MRPL42: variants seen among roughly 807,000 people sequenced by gnomAD.
MRPL42 encodes large ribosomal subunit protein mL42.
A neutral mutation model predicts 17.9 loss-of-function variants in MRPL42; 17 were observed. The observed-to-expected ratio is 0.95, with a 90% CI of 0.65 to 1.42. MRPL42 has a LOEUF of 1.42. MRPL42 is among the 40% of genes most tolerant of loss of function. The pLI is 0.00. For synonymous variants in MRPL42, 59 were observed against 54.4 expected, an observed-to-expected ratio of 1.08 and a Z score of -0.37; for missense variants, 177 against 175.2, an observed-to-expected ratio of 1.01 and a Z score of -0.06.
chr12:93,502,801 T>TTCCGAGTACAAAGCTCTGCTAAA lies in MRPL42; in HGVS notation c.*1582_*1604dup, dbSNP rs1268874773. ...ATATGATTATGAAGATTTTCTTCTCTTCCGAGTACAAAGCTCTGCTAAATA... is the reference window on the plus strand; with the variant it reads ...ATATGATTATGAAGATTTTCTTCTCTTCCGAGTACAAAGCTCTGCTAAATCCGAGTACAAAGCTCTGCTAAATA... On this transcript the variant is annotated 3_prime_UTR_variant, in exon 6 of 6. Coordinates refer to ENST00000549982, the MANE Select transcript of MRPL42 (RefSeq NM_014050.4). The TTCCGAGTACAAAGCTCTGCTAAA allele has an allele frequency of 6.6e-6, 1 of 152,236 alleles. No individual in the cohort carries two copies. The highest frequency in any genetic ancestry group is 1.5e-5 in the Non-Finnish European group (1 of 68,048). The allele number at this position is 152,236 out of a possible 1,614,324, so 9.4% of individuals were successfully genotyped here.
At chr12:93,488,725 A>G (rs760705226) in intron 5 of MRPL42, among the ~76,000 whole-genome samples, 13 of 152,114 alleles carry the variant, frequency 8.5e-5, no homozygotes, top group African/African-American at 1.7e-4. Context: ...CACATTTTCC[A>G]TCGATTCTTA....
At position 93,471,964 on chromosome 12, in the gene MRPL42, T is replaced by C. The variant is rs563842343; in HGVS notation, c.70+2609T>C. On this transcript the variant is annotated intron_variant, in intron 2 of 5. Coordinates refer to ENST00000549982, the MANE Select transcript of MRPL42 (RefSeq NM_014050.4). The stretch of plus-strand genomic sequence containing the variant: ...ATAGACTATGTTTTGAAACAATTAG[T>C]CCTCACACAGGCCCATCAGAAAACC... Among the ~76,000 whole-genome samples, 120 of 152,326 alleles carry C rather than the reference T, an allele frequency of 7.9e-4. 1 individual carries two copies. The highest frequency in any genetic ancestry group is 2.4e-3 in the African/African-American group (101 of 41,572).
At chr12:93,488,883 G>T (rs1170903971) in intron 5 of MRPL42, among the ~76,000 whole-genome samples, 5 of 150,246 alleles carry the variant, frequency 3.3e-5, no homozygotes, top group African/African-American at 1.2e-4. Context: ...TGAGAAGGAG[G>T]TCTCATTATG....
intron 2 of MRPL42, 85 bp downstream of exon 2, chr12:93,469,440 C>T: frequency 3.2e-6 from 3 of 938,580 alleles, no homozygotes; most frequent in Non-Finnish European, 4.7e-6. Flanking sequence ...TTGTATATGC[C>T]TGTAATTTGC....
At chr12:93,488,609 AT>A (rs1953356222) in intron 5 of MRPL42, 1 of 258,378 alleles carries the variant, frequency 3.9e-6, no homozygotes, top group African/African-American at 2.2e-5. Context: ...TCTTTATCAT[AT>A]TTTGAGTTAT....
intron 5 of MRPL42, among the ~76,000 whole-genome samples, chr12:93,497,236 C>T (rs574730129): frequency 1.3e-5 from 2 of 152,232 alleles, no homozygotes; most frequent in South Asian, 2.1e-4. Context: ...TCTACAAAAA[C>T]GGCATCATCC....
chr12:93,485,473 G>A (rs1005935772), intron 4 of MRPL42, among the ~76,000 whole-genome samples: 5 of 151,984 alleles, frequency 3.3e-5, no homozygotes, highest in African/African-American at 1.2e-4. Flanking sequence ...CTTGTTTCAT[G>A]TGCATAAACT....
chr12:93,486,943 C>A (rs898590789), intron 4 of MRPL42, among the ~76,000 whole-genome samples: 1 of 151,956 alleles, frequency 6.6e-6, no homozygotes, highest in Admixed American at 6.6e-5. Flanking sequence ...GAATTACAGG[C>A]ATGAGCCACC....
chr12:93,497,363 A>T (rs1000161991), intron 5 of MRPL42, among the ~76,000 whole-genome samples: 6 of 152,222 alleles, frequency 3.9e-5, no homozygotes, highest in Admixed American at 3.9e-4. Context: ...CTAGCAGCAC[A>T]TCAAAAAATT....
At chr12:93,500,206 G>C (rs1202796706) in intron 5 of MRPL42, among the ~76,000 whole-genome samples, 1 of 152,190 alleles carries the variant, frequency 6.6e-6, no homozygotes, top group Admixed American at 6.5e-5. Context: ...ATTTTCTCCT[G>C]TGTTCTTCCT....
At chr12:93,484,002 C>T (rs766223296) in intron 4 of MRPL42, among the ~76,000 whole-genome samples, 1 of 152,072 alleles carries the variant, frequency 6.6e-6, no homozygotes, top group Non-Finnish European at 1.5e-5. Flanking sequence ...ATCAATATTA[C>T]TGTCTTCTAC....
chr12:93,506,942 A>C lies in MRPL42; in HGVS notation c.*5721A>C, dbSNP rs1202530505. 1 of 152,238 alleles carries C rather than the reference A, an allele frequency of 6.6e-6. No homozygotes were observed. Among genetic ancestry groups the C allele is most frequent in the Non-Finnish European group, 1.5e-5 (1 of 68,042 alleles). The allele number at this position is 152,238 out of a possible 1,614,324, so 9.4% of individuals were successfully genotyped here. Reference sequence around the variant, plus strand: ...ATCGTAAAGCTGAAAGACATCTTAAAGATGATTTTTGGGGACTGATTTGGA... The same window carrying C: ...ATCGTAAAGCTGAAAGACATCTTAACGATGATTTTTGGGGACTGATTTGGA... On this transcript the variant is annotated 3_prime_UTR_variant, in exon 6 of 6. Coordinates refer to ENST00000549982, the MANE Select transcript of MRPL42 (RefSeq NM_014050.4).
At chr12:93,496,429 TAACATTAATA>T (rs1953505899) in intron 5 of MRPL42, among the ~76,000 whole-genome samples, 1 of 151,950 alleles carries the variant, frequency 6.6e-6, no homozygotes, top group Non-Finnish European at 1.5e-5. Flanking sequence ...AATGTAAATA[TAACATTAATA>T]GATACCTAAT....
chr12:93,488,192 G>A lies in MRPL42; in HGVS notation c.383+532G>A, dbSNP rs959725862. ...TTACCGTGTTAGCCAGGATGGTCTC[G>A]AACTCCTGACCTTGTGATCCACCCA... On this transcript the variant is annotated intron_variant, in intron 5 of 5. Transcript: ENST00000549982. 17 of 376,332 alleles carry A rather than the reference G, an allele frequency of 4.5e-5. No individual in the cohort carries two copies. In the Admixed American group the frequency reaches 6.8e-4, roughly 15 times the overall value. The allele number at this position is 376,332 out of a possible 1,614,324, so 23.3% of individuals were successfully genotyped here.
At chr12:93,467,651 T>C (rs980640097) in intron 1 of MRPL42, 97 bp downstream of exon 1, 1 of 152,746 alleles carries the variant, frequency 6.5e-6, no homozygotes, top group Non-Finnish European at 1.5e-5. Context: ...CCGCCTGTCG[T>C]TCCCGGCAGG....
chr12:93,504,306 TA>T lies in MRPL42; in HGVS notation c.*3087del, dbSNP rs1953641377. 6.5e-6 allele frequency: 1 copy of T among 152,942 alleles called. No homozygotes were observed. Among genetic ancestry groups the T allele is most frequent in the Admixed American group, 6.6e-5 (1 of 15,256 alleles). 9.5% of individuals were successfully genotyped at this position (152,942 alleles called of 1,614,324 possible). A position where few individuals can be genotyped will look rare whatever the true frequency, so the allele number is the denominator to read the frequency against. ...ACAAGTGTGCACCACCATACTCAGG[TA>T]ATTTTGCATTTTTAGTAGAGACAGG... On this transcript the variant is annotated 3_prime_UTR_variant, in exon 6 of 6. Coordinates refer to ENST00000549982, the MANE Select transcript of MRPL42 (RefSeq NM_014050.4).
rs562628793 is a variant in MRPL42 at position 93,479,639 on chromosome 12, C to T, written c.219+167C>T. Among the ~76,000 whole-genome samples the T allele has an allele frequency of 3.0e-3, 462 of 151,926 alleles. 5 individuals are homozygous for T. Among genetic ancestry groups the T allele is most frequent in the African/African-American group, 0.011 (450 of 41,452 alleles). On this transcript the variant is annotated intron_variant, in intron 4 of 5. Coordinates refer to ENST00000549982, the MANE Select transcript of MRPL42 (RefSeq NM_014050.4). Reference sequence around the variant, plus strand: ...TTTTCTCTTATTTATTTTTCATCTGCTTTCTTTACAGTCTTTTTTCAGAAT... The same window carrying T: ...TTTTCTCTTATTTATTTTTCATCTGTTTTCTTTACAGTCTTTTTTCAGAAT...
At position 93,510,807 on chromosome 12, in the gene MRPL42, T is replaced by G. The variant is rs1953719006; in HGVS notation, c.*9586T>G. 1 of 152,258 alleles carries G rather than the reference T, an allele frequency of 6.6e-6. No homozygotes were observed. Among genetic ancestry groups the G allele is most frequent in the African/African-American group, 2.4e-5 (1 of 41,476 alleles). 9.4% of individuals were successfully genotyped at this position (152,258 alleles called of 1,614,324 possible). The stretch of plus-strand genomic sequence containing the variant: ...TGAAGTTATAATATTTCTTTAAATA[T>G]TTTGGATAAATCTTTTGTCAGATAT... On this transcript the variant is annotated 3_prime_UTR_variant, in exon 6 of 6. Coordinates refer to ENST00000549982, the MANE Select transcript of MRPL42 (RefSeq NM_014050.4).
At chr12:93,492,161 G>A in intron 5 of MRPL42, among the ~76,000 whole-genome samples, 1 of 152,196 alleles carries the variant, frequency 6.6e-6, no homozygotes, top group Admixed American at 6.6e-5. Flanking sequence ...GGTCGAATGG[G>A]AGTTCTGTTT....
Sources: allele counts gnomAD v4.1 joint callset (sites outside exome capture counted in the v4.1 genomes callset), GRCh38; gene constraint gnomAD v4.1.1; transcripts MANE v1.5; gene names NCBI Gene and HGNC (gene_info 2026-07-23, HGNC 2026-07-21).